The following GTF2I variants were observed in gnomAD, a reference collection of about 807,000 sequenced individuals.
GTF2I encodes the protein general transcription factor II-I.
A neutral mutation model predicts 67.6 loss-of-function variants in GTF2I; 12 were observed. The ratio of observed to expected loss-of-function variants is 0.18; its 90% CI spans 0.11 to 0.29. The LOEUF (loss-of-function observed/expected upper bound fraction) is 0.29, where lower values mean the gene tolerates loss of function less well. Among genes scored for constraint, GTF2I ranks in the 10% least tolerant of loss-of-function variants. The probability of loss-of-function intolerance (pLI) is 1.00; values close to 1 mark genes in which losing one functional copy is unlikely to be tolerated. For synonymous variants in GTF2I, 149 were observed against 197.0 expected, an observed-to-expected ratio of 0.76 and a Z score of 2.04; for missense variants, 271 against 580.1, an observed-to-expected ratio of 0.47 and a Z score of 5.47.
At chr7:74,662,159 G>A (rs1193172467) in intron 1 of GTF2I, among the ~76,000 whole-genome samples, 1 of 149,736 alleles carries the variant, frequency 6.7e-6, no homozygotes, top group Non-Finnish European at 1.5e-5. Context: ...GCGGGACGGG[G>A]TTGGGGGCAA....
chr7:74,662,336 G>C (rs941163388), intron 1 of GTF2I, among the ~76,000 whole-genome samples: 10 of 150,024 alleles, frequency 6.7e-5, no homozygotes, highest in Non-Finnish European at 1.5e-5. Flanking sequence ...TCAGCCTCCG[G>C]AGTAGCTGGG....
intron 3 of GTF2I, among the ~76,000 whole-genome samples, chr7:74,692,812 G>C (rs868927756): frequency 6.6e-6 from 1 of 152,184 alleles, no homozygotes; most frequent in African/African-American, 2.4e-5. Flanking sequence ...GCCCAGGCTA[G>C]AGTGCAATGG....
At chr7:74,732,156 T>C (rs201277511) in intron 14 of GTF2I, among the ~76,000 whole-genome samples, 4 of 148,644 alleles carry the variant, frequency 2.7e-5, no homozygotes, top group Non-Finnish European at 4.5e-5. Context: ...TATATATATA[T>C]ATACATAAAC....
intron 1 of GTF2I, among the ~76,000 whole-genome samples, chr7:74,673,363 A>ATTTG (rs370921221): frequency 6.6e-6 from 1 of 151,598 alleles, no homozygotes; most frequent in Non-Finnish European, 1.5e-5. Context: ...TGGTTTTTGG[A>ATTTG]TTTGTTTGTT....
Position 74,686,546 on chromosome 7 carries a change from A to AT in GTF2I, c.-5-2577dup, listed in dbSNP as rs1280765456. Among the ~76,000 whole-genome samples the AT allele has an allele frequency of 2.6e-5, 4 of 152,344 alleles. No individual in the cohort carries two copies. In the East Asian group the frequency reaches 7.7e-4, roughly 29 times the overall value. On this transcript the variant is annotated intron_variant, in intron 1 of 34. Transcript: ENST00000573035. Reference sequence around the variant, plus strand: ...AAAGGAAAAGTGAGATTATGAAGAAATACTATGAATTTTCAGAAATAATGA... The same window carrying AT: ...AAAGGAAAAGTGAGATTATGAAGAAATTACTATGAATTTTCAGAAATAATGA...
chr7:74,719,766 C>T (rs1314324246), intron 12 of GTF2I, among the ~76,000 whole-genome samples: 1 of 151,968 alleles, frequency 6.6e-6, no homozygotes, highest in African/African-American at 2.4e-5. Context: ...ACTAAAAATA[C>T]AAAACTAGCT....
At chr7:74,688,323 C>T (rs1482166217) in intron 1 of GTF2I, among the ~76,000 whole-genome samples, 1 of 152,206 alleles carries the variant, frequency 6.6e-6, no homozygotes, top group African/African-American at 2.4e-5. Context: ...AGGTGATCCA[C>T]CTGCCTCGGC....
At position 74,700,298 on chromosome 7, in the gene GTF2I, T is replaced by G. The variant is rs1789559151; in HGVS notation, c.425T>G (p.Leu142Arg). 1 of 1,614,080 alleles carries G rather than the reference T, an allele frequency of 6.2e-7. No individual in the cohort carries two copies. The highest frequency in any genetic ancestry group is 8.5e-7 in the Non-Finnish European group (1 of 1,180,052). Residue 142 changes from leucine to arginine, a missense_variant, in exon 5 of 35, where the codon CTG (leucine) becomes CGG (arginine). This residue lies in a region of GTF2I where 38 missense variants were observed against 87.8 expected (regional missense o/e 0.43). Transcript: ENST00000573035. Reference sequence around the variant, plus strand: ...GTACCTGTACCATATGAGAAGATGCTGCGAGACCAGTCGGCTGTGGTAGTG... The same window carrying G: ...GTACCTGTACCATATGAGAAGATGCGGCGAGACCAGTCGGCTGTGGTAGTG... The part of the protein sequence containing the change: ...TVVPVPYEKM[L>R]RDQSAVVVQG...
chr7:74,731,694 G>A (rs1226229492), intron 14 of GTF2I, among the ~76,000 whole-genome samples: 3 of 150,230 alleles, frequency 2.0e-5, no homozygotes, highest in African/African-American at 4.9e-5. Flanking sequence ...ACAGGTGCCC[G>A]CCACCATGCC....
At chr7:74,725,913 T>C (rs1207634553) in intron 12 of GTF2I, among the ~76,000 whole-genome samples, 1 of 152,044 alleles carries the variant, frequency 6.6e-6, no homozygotes, top group Non-Finnish European at 1.5e-5. Flanking sequence ...ATTAAATCTA[T>C]TGTGGTCTAA....
intron 2 of GTF2I, among the ~76,000 whole-genome samples, chr7:74,689,998 G>A (rs1554396575): frequency 6.6e-6 from 1 of 152,024 alleles, no homozygotes; most frequent in Non-Finnish European, 1.5e-5. Context: ...ATTATAGGCT[G>A]AGGTCAGGAG....
chr7:74,709,324 C>T (rs1554402124), intron 8 of GTF2I, among the ~76,000 whole-genome samples: 1 of 152,174 alleles, frequency 6.6e-6, no homozygotes, highest in African/African-American at 2.4e-5. Flanking sequence ...TCTCGGCTCA[C>T]CACAACCTCC....
At chr7:74,735,732 G>A (rs1447509471) in intron 17 of GTF2I, among the ~76,000 whole-genome samples, 200 bp downstream of exon 17, 1 of 85,656 alleles carries the variant, frequency 1.2e-5, no homozygotes. Flanking sequence ...GCAGTGGTAC[G>A]ATCTCAGCTC....
intron 1 of GTF2I, among the ~76,000 whole-genome samples, chr7:74,680,513 G>A (rs1331762467): frequency 6.6e-6 from 1 of 152,038 alleles, no homozygotes; most frequent in Admixed American, 6.6e-5. Context: ...GACTGAGGCG[G>A]GAGGATCATT....
intron 1 of GTF2I, among the ~76,000 whole-genome samples, chr7:74,658,280 C>T (rs1554384621): frequency 6.7e-6 from 1 of 150,152 alleles, no homozygotes; most frequent in Non-Finnish European, 1.5e-5. Flanking sequence ...TCTCGAGCCC[C>T]GCCGGCCTTG....
chr7:74,710,005 T>A (rs587634567), intron 8 of GTF2I, among the ~76,000 whole-genome samples: 1 of 152,328 alleles, frequency 6.6e-6, no homozygotes, highest in East Asian at 1.9e-4. Context: ...CTTTTACTGA[T>A]GGACATGAAA....
chr7:74,741,048 A>G lies in GTF2I; in HGVS notation c.1679-2401A>G, dbSNP rs1554408042. On this transcript the variant is annotated intron_variant, in intron 19 of 34. Transcript: ENST00000573035. ...CATCAGTGATATTCTACATGTCTTT[A>G]TAATAGCTTTTTTGTTTGTTTGTTT... Among the ~76,000 whole-genome samples, 4 of 34,678 alleles carry G rather than the reference A, an allele frequency of 1.2e-4. 2 individuals are homozygous for G. The highest frequency in any genetic ancestry group is 2.1e-4 in the Non-Finnish European group (4 of 18,908). The allele number at this position is 34,678 out of a possible 152,430, so 22.8% of individuals were successfully genotyped here.
chr7:74,658,399 G>C (rs1360313845), intron 1 of GTF2I, among the ~76,000 whole-genome samples: 24 of 145,114 alleles, frequency 1.7e-4, no homozygotes, highest in East Asian at 1.4e-3. Flanking sequence ...CGCGCGCGCC[G>C]ACCGGCGTGC....
At position 74,660,518 on chromosome 7, in the gene GTF2I, C is replaced by CA. The variant is rs587766881; in HGVS notation, c.-6+2451dup. ...GTGGTCTTCTCTTATATTGCATAGT[C>CA]AGAGTTTGTTCCTTCTTAGTCTCCC... On this transcript the variant is annotated intron_variant, in intron 1 of 34. Coordinates refer to ENST00000573035, the MANE Select transcript of GTF2I (RefSeq NM_032999.4). 5.9e-5 allele frequency among the ~76,000 whole-genome samples: 9 copies of CA among 152,212 alleles called. No individual in the cohort carries two copies. The East Asian group carries it at 1.7e-3, about 29-fold the overall frequency.
Sources: allele counts gnomAD v4.1 joint callset (sites outside exome capture counted in the v4.1 genomes callset), GRCh38; gene constraint gnomAD v4.1.1; regional missense constraint gnomAD v4.1.1; transcripts MANE v1.5; gene names NCBI Gene and HGNC (gene_info 2026-07-23, HGNC 2026-07-21).